The following DDIAS variants were observed in gnomAD, a reference collection of about 807,000 sequenced individuals.
DDIAS encodes the protein DNA damage induced apoptosis suppressor, also known as DNA damage-induced apoptosis suppressor protein.
DDIAS carries 14 observed loss-of-function variants against 15.7 expected under a neutral mutation model. The ratio of observed to expected loss-of-function variants is 0.89; its 90% CI spans 0.59 to 1.39. DDIAS has a LOEUF of 1.39. Among genes scored for constraint, DDIAS ranks in the 40% most tolerant of loss-of-function variants. The probability of loss-of-function intolerance (pLI) is 0.00; values close to 1 mark genes in which losing one functional copy is unlikely to be tolerated. For synonymous variants in DDIAS, 355 were observed against 395.9 expected, an observed-to-expected ratio of 0.90 and a Z score of 1.23; for missense variants, 1,035 against 1,130.9, an observed-to-expected ratio of 0.92 and a Z score of 1.22.
intron 3 of DDIAS, 102 bp from the exon 4 acceptor site, chr11:82,928,675 T>A: frequency 8.1e-7 from 1 of 1,232,904 alleles, no homozygotes; most frequent in Non-Finnish European, 1.1e-6. Flanking sequence ...GTAGGAGCAT[T>A]TATACACAAA....
intron 1 of DDIAS, among the ~76,000 whole-genome samples, chr11:82,907,611 C>T (rs755881140): frequency 2.6e-5 from 4 of 152,196 alleles, no homozygotes; most frequent in African/African-American, 4.8e-5. Context: ...CGCAATACCG[C>T]GCACTGCAGC....
chr11:82,932,387 C>T lies in DDIAS; in HGVS notation c.1049C>T (p.Ser350Leu). ...FSLEMREPLE[S>L]SNTKSFHSAV... ...TTGGAAATGCGAGAGCCCCTTGAGT[C>T]AAGTAATACAAAATCCTTCCACAGT... is the stretch of plus-strand genomic sequence containing the variant. Residue 350 changes from serine (S) to leucine (L), a missense_variant, in exon 6 of 6, where the codon TCA becomes TTA. Transcript: ENST00000533655. 6.2e-7 allele frequency: 1 copy of T among 1,613,900 alleles called. No homozygotes were observed. Among genetic ancestry groups the T allele is most frequent in the Non-Finnish European group, 8.5e-7 (1 of 1,179,896 alleles).
In DDIAS at chr11:82,932,295, T is replaced by A. The variant is rs1861008944; in HGVS notation, c.957T>A (p.Ala319=). 2 of 1,614,018 alleles carry A rather than the reference T, an allele frequency of 1.2e-6. No individual in the cohort carries two copies. The highest frequency in any genetic ancestry group is 1.7e-6 in the Non-Finnish European group (2 of 1,179,890). ...EKLGKELGLQ[A]KELSAVHSSH... is the part of the protein sequence containing the mutation. ...TGGGTAAAGAACTTGGCTTACAAGC[T>A]AAGGAGCTGAGTGCAGTTCACAGCA... The change falls in exon 6 of 6, where the codon GCT becomes GCA. Residue 319 remains alanine (A), a synonymous_variant. Transcript: ENST00000533655.
rs2121376157 is a variant in DDIAS, at chr11:82,933,470, G to A, written c.2132G>A (p.Ser711Asn). 1.2e-6 allele frequency: 2 copies of A among 1,613,886 alleles called. No individual in the cohort carries two copies. The highest frequency in any genetic ancestry group is 2.2e-5 in the South Asian group (2 of 91,068). Residue 711 changes from serine (S) to asparagine (N), a missense_variant, in exon 6 of 6, where the codon AGT becomes AAT. By Grantham distance (46) the Ser-to-Asn change is conservative (BLOSUM62 1). Coordinates refer to ENST00000533655, the MANE Select transcript of DDIAS (RefSeq NM_145018.4). The part of the protein sequence containing the change: ...LLKWGTSLAE[S>N]HPSESDFSLR... ...AAATGGGGAACATCTTTGGCAGAAA[G>A]TCACCCTTCAGAGTCTGATTTTTCA...
intron 1 of DDIAS, among the ~76,000 whole-genome samples, chr11:82,905,316 G>T (rs1210645602): frequency 6.6e-6 from 1 of 151,948 alleles, no homozygotes; most frequent in Non-Finnish European, 1.5e-5. Flanking sequence ...AAGAAAGCAA[G>T]ATTTTCTTTG....
chr11:82,920,976 T>C (rs11233376), intron 3 of DDIAS, among the ~76,000 whole-genome samples: 7,443 of 152,310 alleles, frequency 0.049, 270 homozygotes, highest in African/African-American at 0.1. Context: ...CAGTGTAGTA[T>C]TGAAGTCCTC....
chr11:82,928,913 G>A lies in DDIAS; in HGVS notation c.250G>A (p.Gly84Ser). The change falls in exon 4 of 6, where the codon GGT (glycine) becomes AGT (serine). Residue 84 changes from glycine to serine, a missense_variant. Transcript: ENST00000533655. The part of the protein sequence containing the change: ...VFGSCLDTFF[G>S]LTATGLHRYI... ...TGGAAGTTGCTTAGATACATTTTTT[G>A]GTCTTACTGCCACTGGTTTGCACAG... 1 of 1,611,284 alleles carries A rather than the reference G, an allele frequency of 6.2e-7. No individual in the cohort carries two copies.
intron 3 of DDIAS, among the ~76,000 whole-genome samples, chr11:82,920,149 T>C (rs1860715628): frequency 6.6e-6 from 1 of 152,212 alleles, no homozygotes; most frequent in Non-Finnish European, 1.5e-5. Flanking sequence ...CCATCTCTTC[T>C]AGGTTTTCTA....
Position 82,933,319 on chromosome 11 carries a change from G to GT in DDIAS, c.1982dup (p.Thr662AsnfsTer9). 5 of 1,613,970 alleles carry GT rather than the reference G, an allele frequency of 3.1e-6. No homozygotes were observed. The South Asian group carries it at 4.4e-5, about 14-fold the overall frequency. On this transcript the variant is annotated frameshift_variant, in exon 6 of 6. Coordinates refer to ENST00000533655, the MANE Select transcript of DDIAS (RefSeq NM_145018.4). LOFTEE classifies it low-confidence loss of function (END_TRUNC). ...GCCTTGGGGACATATCAATAACAAC[G>GT]TAACACAGAGCTATTCTATTGGTTA...
At chr11:82,908,011 A>G (rs1009134511) in intron 1 of DDIAS, among the ~76,000 whole-genome samples, 2 of 152,246 alleles carry the variant, frequency 1.3e-5, no homozygotes, top group African/African-American at 4.8e-5. Flanking sequence ...ATGACTATCC[A>G]GCAGGGTTAG....
chr11:82,925,174 CAT>C (rs201066612), intron 3 of DDIAS, among the ~76,000 whole-genome samples: 1,970 of 152,262 alleles, frequency 0.013, 33 homozygotes, highest in African/African-American at 0.044. Flanking sequence ...ATTTGAAAAA[CAT>C]AACTATTTTT....
intron 3 of DDIAS, among the ~76,000 whole-genome samples, chr11:82,926,930 T>G (rs556821355): frequency 1.3e-5 from 2 of 152,330 alleles, no homozygotes; most frequent in African/African-American, 4.8e-5. Flanking sequence ...AGGCTATTAT[T>G]GATACTGTCA....
chr11:82,934,368 A>C lies in DDIAS; in HGVS notation c.*33A>C, dbSNP rs765605075. On this transcript the variant is annotated 3_prime_UTR_variant, in exon 6 of 6. Coordinates refer to ENST00000533655, the MANE Select transcript of DDIAS (RefSeq NM_145018.4). ...CCTGAACCCAATTCCTGAACTTTTA[A>C]ATCTGTTTGGAAATGTTTGCCTTCA... 1 of 1,538,344 alleles carries C rather than the reference A, an allele frequency of 6.5e-7. No individual in the cohort carries two copies. The highest frequency in any genetic ancestry group is 2.1e-5 in the Admixed American group (1 of 47,094).
Position 82,934,149 on chromosome 11 carries a change from T to C in DDIAS, c.2811T>C (p.Tyr937=). 1 of 1,612,832 alleles carries C rather than the reference T, an allele frequency of 6.2e-7. No homozygotes were observed. ...AVVTKKKTHK[Y]NCKSSGWISK... ...TTACGAAAAAGAAAACTCATAAATA[T>C]AACTGTAAAAGTTCAGGCTGGATTT... Residue 937 remains tyrosine, a synonymous_variant, in exon 6 of 6, where the codon TAT becomes TAC. Coordinates refer to ENST00000533655, the MANE Select transcript of DDIAS (RefSeq NM_145018.4).
intron 1 of DDIAS, among the ~76,000 whole-genome samples, chr11:82,902,531 C>T (rs1030729376): frequency 7.2e-5 from 11 of 152,136 alleles, no homozygotes; most frequent in Non-Finnish European, 4.4e-5. Flanking sequence ...CCTATTTGCC[C>T]TCAGGTTTAA....
intron 1 of DDIAS, among the ~76,000 whole-genome samples, chr11:82,905,604 T>C (rs978966604): frequency 2.0e-5 from 3 of 152,216 alleles, no homozygotes; most frequent in African/African-American, 4.8e-5. Context: ...CCCCCTGTTA[T>C]ATTTTCTCAT....
At chr11:82,923,469 C>G (rs1277194368) in intron 3 of DDIAS, among the ~76,000 whole-genome samples, 1 of 152,180 alleles carries the variant, frequency 6.6e-6, no homozygotes, top group African/African-American at 2.4e-5. Flanking sequence ...AGAGACGTCC[C>G]TAAATATTTT....
At chr11:82,907,962 G>A (rs1042516924) in intron 1 of DDIAS, among the ~76,000 whole-genome samples, 2 of 152,178 alleles carry the variant, frequency 1.3e-5, no homozygotes, top group Non-Finnish European at 2.9e-5. Flanking sequence ...CTAGTGATGG[G>A]TAGATGAACA....
At chr11:82,927,518 C>T (rs1860886713) in intron 3 of DDIAS, among the ~76,000 whole-genome samples, 1 of 152,198 alleles carries the variant, frequency 6.6e-6, no homozygotes, top group East Asian at 1.9e-4. Context: ...TTTCACCTTG[C>T]TTTCTGTTTG....
Sources: allele counts gnomAD v4.1 joint callset (sites outside exome capture counted in the v4.1 genomes callset), GRCh38; gene constraint gnomAD v4.1.1; transcripts MANE v1.5; gene names NCBI Gene and HGNC (gene_info 2026-07-23, HGNC 2026-07-21).